Variants in ULK4 observed in about 807,000 individuals in gnomAD.
ULK4 encodes the protein unc-51 like kinase 4.
A neutral mutation model predicts 160.6 loss-of-function variants in ULK4; 133 were observed. The observed-to-expected ratio is 0.83, with a 90% CI of 0.72 to 0.96. The LOEUF (loss-of-function observed/expected upper bound fraction) is 0.96. Ranked by LOEUF, ULK4 falls within the 40% of genes least tolerant of loss-of-function variation. The pLI, the probability that ULK4 is intolerant of heterozygous loss-of-function variation, is 0.00. For missense variants in ULK4, 1,580 were observed against 1,499.5 expected, an observed-to-expected ratio of 1.05 and a Z score of -0.89; for synonymous variants, 534 against 539.8, an observed-to-expected ratio of 0.99 and a Z score of 0.15.
At chr3:41,656,935 T>C in intron 30 of ULK4, among the ~76,000 whole-genome samples, 1 of 152,152 alleles carries the variant, frequency 6.6e-6, no homozygotes, top group South Asian at 2.1e-4. Context: ...TATCTCTTAA[T>C]GGAAACAAGA....
intron 5 of ULK4, among the ~76,000 whole-genome samples, chr3:41,929,335 C>T (rs569658219): frequency 3.3e-5 from 5 of 152,250 alleles, no homozygotes; most frequent in South Asian, 4.1e-4. Flanking sequence ...ATTGATGGAA[C>T]GTATCTCAAA....
At chr3:41,645,582 T>C (rs1178417237) in intron 30 of ULK4, among the ~76,000 whole-genome samples, 1 of 152,192 alleles carries the variant, frequency 6.6e-6, no homozygotes. Context: ...TCTGTTCTTT[T>C]ACATTTGCTG....
chr3:41,717,873 A>G lies in ULK4; in HGVS notation c.2322-12T>C, dbSNP rs928382440. The G allele has an allele frequency of 1.2e-6, 2 of 1,612,812 alleles. No individual in the cohort carries two copies. The highest frequency in any genetic ancestry group is 1.3e-5 in the African/African-American group (1 of 74,918). Reference sequence around the variant, plus strand: ...TGTACATCACCAGTCTACATACAGGAAAGTGCAAAGATTACCTCTCATGAT... The same window carrying G: ...TGTACATCACCAGTCTACATACAGGGAAGTGCAAAGATTACCTCTCATGAT... On this transcript the variant is annotated splice_polypyrimidine_tract_variant and intron_variant, in intron 22 of 36. Coordinates refer to ENST00000301831, the MANE Select transcript of ULK4 (RefSeq NM_017886.4).
At chr3:41,662,419 G>A (rs568870982) in intron 30 of ULK4, among the ~76,000 whole-genome samples, 11 of 152,298 alleles carry the variant, frequency 7.2e-5, no homozygotes, top group Middle Eastern at 3.4e-3. Context: ...CCCAAAAACC[G>A]TGAGCAACTT....
chr3:41,759,433 ACAT>A (rs796131311), intron 21 of ULK4, among the ~76,000 whole-genome samples: 19 of 152,296 alleles, frequency 1.2e-4, no homozygotes, highest in African/African-American at 4.3e-4. Context: ...CCCTAACAAA[ACAT>A]CTACAGAATC....
intron 17 of ULK4, among the ~76,000 whole-genome samples, chr3:41,844,386 C>T (rs571131969): frequency 6.6e-6 from 1 of 152,332 alleles, no homozygotes; most frequent in Non-Finnish European, 1.5e-5. Context: ...AGGGACCCAG[C>T]ACACCCTCCG....
rs1325714374 is a variant in ULK4 at position 41,748,573 on chromosome 3, A to G, written c.2321+5788T>C. On this transcript the variant is annotated intron_variant, in intron 22 of 36. Coordinates refer to ENST00000301831, the MANE Select transcript of ULK4 (RefSeq NM_017886.4). ...CTTCATTTTTATTTCTATTTTTAAC[A>G]TTATATAAAACATTTACATGGTTCT... Among the ~76,000 whole-genome samples, 3 of 152,128 alleles carry G rather than the reference A, an allele frequency of 2.0e-5. No homozygotes were observed. In the East Asian group the frequency reaches 5.8e-4, roughly 29 times the overall value.
At chr3:41,890,762 G>A (rs1405393602) in intron 16 of ULK4, among the ~76,000 whole-genome samples, 9 of 33,622 alleles carry the variant, frequency 2.7e-4, no homozygotes, top group African/African-American at 5.7e-4. Context: ...GGAGGGACGG[G>A]AGGGACGGGA....
At chr3:41,402,722 C>T (rs920177239) in intron 34 of ULK4, among the ~76,000 whole-genome samples, 5 of 152,116 alleles carry the variant, frequency 3.3e-5, no homozygotes, top group African/African-American at 1.2e-4. Flanking sequence ...TCTGCTCATT[C>T]TCTTTATACA....
chr3:41,916,926 GTGAACTCT>G (rs555555606), intron 7 of ULK4, among the ~76,000 whole-genome samples: 1 of 151,646 alleles, frequency 6.6e-6, no homozygotes, highest in Non-Finnish European at 1.5e-5. Context: ...CAGGCTGGTC[GTGAACTCT>G]TGACCTCAGG....
At chr3:41,858,958 A>C (rs893934505) in intron 17 of ULK4, among the ~76,000 whole-genome samples, 1 of 152,146 alleles carries the variant, frequency 6.6e-6, no homozygotes, top group Non-Finnish European at 1.5e-5. Flanking sequence ...GCCCCACTGG[A>C]GTATTACTTG....
chr3:41,323,564 T>C (rs1664745966), intron 35 of ULK4, among the ~76,000 whole-genome samples: 1 of 152,140 alleles, frequency 6.6e-6, no homozygotes, highest in South Asian at 2.1e-4. Flanking sequence ...AAGATCTTCA[T>C]TGGTCTCAGC....
chr3:41,607,586 A>G (rs1232034437), intron 31 of ULK4, among the ~76,000 whole-genome samples: 1 of 152,212 alleles, frequency 6.6e-6, no homozygotes, highest in Non-Finnish European at 1.5e-5. Context: ...ACTTCAGTGT[A>G]ACAATTCAAC....
chr3:41,728,684 G>A (rs1482379321), intron 22 of ULK4, among the ~76,000 whole-genome samples: 1 of 152,138 alleles, frequency 6.6e-6, no homozygotes, highest in Admixed American at 6.5e-5. Context: ...CTACTGAAGG[G>A]TGAAGAAAAC....
Position 41,717,710 on chromosome 3 carries a change from GA to G in ULK4, c.2455+17del, listed in dbSNP as rs1239980034. The G allele has an allele frequency of 6.2e-7, 1 of 1,601,752 alleles. No individual in the cohort carries two copies. Among genetic ancestry groups the G allele is most frequent in the Admixed American group, 1.7e-5 (1 of 59,906 alleles). On this transcript the variant is annotated intron_variant, in intron 23 of 36. Coordinates refer to ENST00000301831, the MANE Select transcript of ULK4 (RefSeq NM_017886.4). ...CGTAAAAGCAGAAATGGGGCCTGAG[GA>G]TGAGACTCCAATTTACCCAGGATTC...
chr3:41,326,451 C>CATATATATATAT (rs10660377), intron 35 of ULK4, among the ~76,000 whole-genome samples: 10 of 146,642 alleles, frequency 6.8e-5, no homozygotes, highest in African/African-American at 2.5e-4. Flanking sequence ...TGCATATATA[C>CATATATATATAT]ATATATATAT....
intron 23 of ULK4, among the ~76,000 whole-genome samples, chr3:41,717,172 T>C (rs969410105): frequency 2.6e-5 from 4 of 152,114 alleles, no homozygotes; most frequent in Non-Finnish European, 4.4e-5. Context: ...AAATGTATTA[T>C]AGGTGGGTGA....
intron 32 of ULK4, among the ~76,000 whole-genome samples, chr3:41,555,610 G>A (rs559837915): frequency 1.8e-4 from 27 of 152,240 alleles, no homozygotes; most frequent in African/African-American, 4.1e-4. Context: ...GAATACTGTG[G>A]TGATTCCTCA....
chr3:41,554,235 C>T (rs1262816738), intron 32 of ULK4, among the ~76,000 whole-genome samples: 2 of 152,166 alleles, frequency 1.3e-5, no homozygotes, highest in African/African-American at 2.4e-5. Flanking sequence ...TCTTTGTTTA[C>T]TGCAGCACTA....
Sources: allele counts gnomAD v4.1 joint callset (sites outside exome capture counted in the v4.1 genomes callset), GRCh38; gene constraint gnomAD v4.1.1; transcripts MANE v1.5; gene names NCBI Gene and HGNC (gene_info 2026-07-23, HGNC 2026-07-21).